CACNA2D3: variants seen among roughly 807,000 people sequenced by gnomAD.
The protein encoded by CACNA2D3 is calcium voltage-gated channel auxiliary subunit alpha2delta 3, also known as voltage-dependent calcium channel subunit alpha-2/delta-3.
A neutral mutation model predicts 160.6 loss-of-function variants in CACNA2D3; 60 were observed. That is an observed-to-expected ratio of 0.37 (90% CI 0.30 to 0.46). CACNA2D3 has a LOEUF of 0.46. CACNA2D3 is among the 20% of genes least tolerant of loss of function. CACNA2D3 has a pLI of 1.00. For synonymous variants in CACNA2D3, 558 were observed against 492.9 expected, an observed-to-expected ratio of 1.13 and a Z score of -1.75; for missense variants, 1,205 against 1,365.0, an observed-to-expected ratio of 0.88 and a Z score of 1.85.
chr3:54,452,867 C>A (rs554114732), intron 4 of CACNA2D3, among the ~76,000 whole-genome samples: 1 of 152,166 alleles, frequency 6.6e-6, no homozygotes, highest in Admixed American at 6.5e-5. Context: ...CATGCCTTGG[C>A]TTCCTGCTGC....
At position 54,627,786 on chromosome 3, in the gene CACNA2D3, G is replaced by C; in HGVS notation, c.964-1G>C. 1 of 1,605,056 alleles carries C rather than the reference G, an allele frequency of 6.2e-7. No individual in the cohort carries two copies. The highest frequency in any genetic ancestry group is 8.5e-7 in the Non-Finnish European group (1 of 1,174,608). ...ATGGATTTTCTGCTTTGCTGTTTCAGCACTTCAGGGAGCATCTGGACAAAC... is the reference window on the plus strand; with the variant it reads ...ATGGATTTTCTGCTTTGCTGTTTCACCACTTCAGGGAGCATCTGGACAAAC... On this transcript the variant is annotated splice_acceptor_variant, in intron 9 of 37. Coordinates refer to ENST00000474759, the MANE Select transcript of CACNA2D3 (RefSeq NM_018398.3). LOFTEE classifies it high-confidence loss of function.
chr3:54,204,408 A>G (rs1363442503), intron 2 of CACNA2D3, among the ~76,000 whole-genome samples: 2 of 152,046 alleles, frequency 1.3e-5, no homozygotes, highest in African/African-American at 2.4e-5. Flanking sequence ...GCCCAGTCCT[A>G]TGTGCACAAA....
chr3:54,710,168 G>C (rs897159857), intron 11 of CACNA2D3, among the ~76,000 whole-genome samples: 1 of 152,140 alleles, frequency 6.6e-6, no homozygotes, highest in African/African-American at 2.4e-5. Context: ...GTGAACAGTG[G>C]TTACTGAGAA....
intron 5 of CACNA2D3, among the ~76,000 whole-genome samples, chr3:54,555,059 A>G (rs778879903): frequency 3.3e-5 from 5 of 152,018 alleles, no homozygotes; most frequent in Admixed American, 6.6e-5. Flanking sequence ...TATTTTCTGT[A>G]GAGATGGAGT....
chr3:54,469,827 A>G (rs1379066033), intron 4 of CACNA2D3, among the ~76,000 whole-genome samples: 1 of 152,096 alleles, frequency 6.6e-6, no homozygotes, highest in Non-Finnish European at 1.5e-5. Context: ...AAGAAAGGAT[A>G]TCAGAGATTG....
intron 11 of CACNA2D3, among the ~76,000 whole-genome samples, chr3:54,689,014 A>G (rs1395449454): frequency 1.1e-5 from 1 of 91,582 alleles, no homozygotes; most frequent in Non-Finnish European, 2.3e-5. Context: ...AAAAAAAAGA[A>G]TGAGGTTGTA....
chr3:55,029,703 G>A (rs1703649281), intron 35 of CACNA2D3, among the ~76,000 whole-genome samples: 1 of 152,188 alleles, frequency 6.6e-6, no homozygotes, highest in Admixed American at 6.5e-5. Flanking sequence ...ATACTCAACA[G>A]TGACCAGATC....
intron 2 of CACNA2D3, among the ~76,000 whole-genome samples, chr3:54,201,492 GT>G (rs1701178358): frequency 6.6e-6 from 1 of 152,158 alleles, no homozygotes; most frequent in Non-Finnish European, 1.5e-5. Flanking sequence ...CTTATGGGTC[GT>G]GTTCAGTAAA....
At chr3:54,340,762 A>C (rs922644357) in intron 3 of CACNA2D3, among the ~76,000 whole-genome samples, 4 of 152,180 alleles carry the variant, frequency 2.6e-5, no homozygotes, top group South Asian at 2.1e-4. Flanking sequence ...AGCATCCACT[A>C]TTCTACTTCC....
chr3:54,534,269 C>T (rs2106647345), intron 5 of CACNA2D3, among the ~76,000 whole-genome samples: 1 of 152,262 alleles, frequency 6.6e-6, no homozygotes, highest in Middle Eastern at 3.4e-3. Context: ...TTTAATTCTT[C>T]TTTTGTTAAA....
intron 9 of CACNA2D3, among the ~76,000 whole-genome samples, chr3:54,593,424 A>G (rs555558824): frequency 6.6e-6 from 1 of 151,904 alleles, no homozygotes; most frequent in Admixed American, 6.6e-5. Context: ...GGAGGGGAGG[A>G]GAGACGAGGA....
intron 13 of CACNA2D3, among the ~76,000 whole-genome samples, chr3:54,808,896 C>A (rs372991333): frequency 6.6e-6 from 1 of 152,088 alleles, no homozygotes; most frequent in Non-Finnish European, 1.5e-5. Context: ...CATACGCTAT[C>A]GGATTGGAGC....
intron 2 of CACNA2D3, among the ~76,000 whole-genome samples, chr3:54,167,584 T>G (rs1321121117): frequency 1.3e-5 from 2 of 152,228 alleles, no homozygotes; most frequent in Non-Finnish European, 2.9e-5. Context: ...TTTGATGTAG[T>G]GCAAAGCCAA....
At chr3:54,187,268 C>A (rs1700894641) in intron 2 of CACNA2D3, among the ~76,000 whole-genome samples, 1 of 152,142 alleles carries the variant, frequency 6.6e-6, no homozygotes, top group Non-Finnish European at 1.5e-5. Context: ...TAGATGTTAG[C>A]AAATAAAACT....
chr3:54,573,814 TC>T (rs1169426275), intron 8 of CACNA2D3, among the ~76,000 whole-genome samples: 5 of 152,382 alleles, frequency 3.3e-5, no homozygotes, highest in Admixed American at 3.3e-4. Context: ...TTGAATTGTC[TC>T]TCCCAATCCT....
chr3:54,998,678 T>C (rs1295181955), intron 31 of CACNA2D3, among the ~76,000 whole-genome samples: 1 of 152,026 alleles, frequency 6.6e-6, no homozygotes, highest in Non-Finnish European at 1.5e-5. Flanking sequence ...TGGTTTATTC[T>C]TGGCTAATGA....
intron 29 of CACNA2D3, among the ~76,000 whole-genome samples, chr3:54,978,527 G>A (rs983373474): frequency 6.6e-6 from 1 of 152,220 alleles, no homozygotes; most frequent in African/African-American, 2.4e-5. Flanking sequence ...AAAGTGCTCA[G>A]TGTAAGAAAA....
At chr3:54,197,002 CT>C (rs1413508911) in intron 2 of CACNA2D3, among the ~76,000 whole-genome samples, 1 of 152,150 alleles carries the variant, frequency 6.6e-6, no homozygotes, top group Non-Finnish European at 1.5e-5. Flanking sequence ...TATAATAGGA[CT>C]TTTAGTAAAC....
intron 2 of CACNA2D3, among the ~76,000 whole-genome samples, chr3:54,183,587 A>T (rs1217598242): frequency 6.6e-6 from 1 of 151,990 alleles, no homozygotes; most frequent in East Asian, 1.9e-4. Flanking sequence ...CATTTGCCTG[A>T]GTTTAATAAG....
Sources: allele counts gnomAD v4.1 joint callset (sites outside exome capture counted in the v4.1 genomes callset), GRCh38; gene constraint gnomAD v4.1.1; transcripts MANE v1.5; gene names NCBI Gene and HGNC (gene_info 2026-07-23, HGNC 2026-07-21).